GPBP1: variants seen among roughly 807,000 people sequenced by gnomAD.
GPBP1 encodes vasculin.
Under a neutral mutation model 56.5 loss-of-function variants are expected in GPBP1, and 13 were observed. The observed-to-expected ratio is 0.23, with a 90% CI of 0.15 to 0.37. The LOEUF (loss-of-function observed/expected upper bound fraction) is 0.37. Ranked by LOEUF, GPBP1 falls within the 10% of genes least tolerant of loss-of-function variation. The pLI, the probability that GPBP1 is intolerant of heterozygous loss-of-function variation, is 1.00. For synonymous variants in GPBP1, 204 were observed against 188.9 expected (o/e 1.08, Z -0.66); for missense variants, 477 against 572.3 (o/e 0.83, Z 1.70).
At chr5:57,234,150 T>C (rs1479023177) in intron 5 of GPBP1, among the ~76,000 whole-genome samples, 2 of 152,196 alleles carry the variant, frequency 1.3e-5, no homozygotes, top group Non-Finnish European at 2.9e-5. Flanking sequence ...CTCAGTACAA[T>C]GTTAGTAATC....
intron 9 of GPBP1, 66 bp downstream of exon 9, chr5:57,249,642 T>TCCA: frequency 7.7e-7 from 1 of 1,300,868 alleles, no homozygotes; most frequent in Non-Finnish European, 1.1e-6. Flanking sequence ...GAGCATGTAT[T>TCCA]AGGACCTTGG....
intron 2 of GPBP1, among the ~76,000 whole-genome samples, chr5:57,187,199 GAAGTAAGACCTGTTGCAA>G (rs1383461864): frequency 6.6e-6 from 1 of 152,068 alleles, no homozygotes; most frequent in Non-Finnish European, 1.5e-5. Context: ...GTGGGTGTGT[GAAGTAAGACCTGTTGCAA>G]AATAACGTCA....
intron 2 of GPBP1, among the ~76,000 whole-genome samples, chr5:57,197,639 G>A (rs1484677479): frequency 6.6e-6 from 1 of 152,116 alleles, no homozygotes; most frequent in Non-Finnish European, 1.5e-5. Flanking sequence ...GATTACAGGC[G>A]GGAGCCATTG....
intron 10 of GPBP1, among the ~76,000 whole-genome samples, chr5:57,260,292 G>A (rs1741837336): frequency 6.6e-6 from 1 of 152,050 alleles, no homozygotes; most frequent in Non-Finnish European, 1.5e-5. Flanking sequence ...GCTTCTGTGA[G>A]GGCTTCATCT....
intron 10 of GPBP1, among the ~76,000 whole-genome samples, chr5:57,255,524 A>T (rs1232756249): frequency 6.6e-6 from 1 of 152,268 alleles, no homozygotes; most frequent in Non-Finnish European, 1.5e-5. Flanking sequence ...AGAATAAAAC[A>T]CAAACATATC....
At chr5:57,216,646 A>G (rs1396905072) in intron 3 of GPBP1, among the ~76,000 whole-genome samples, 3 of 152,164 alleles carry the variant, frequency 2.0e-5, no homozygotes, top group African/African-American at 7.2e-5. Flanking sequence ...AGATCGTGCC[A>G]CTGCAGTCCA....
intron 3 of GPBP1, among the ~76,000 whole-genome samples, chr5:57,215,816 C>G (rs562361079): frequency 2.1e-5 from 3 of 146,268 alleles, no homozygotes; most frequent in East Asian, 2.0e-4. Flanking sequence ...CCTGAATCTT[C>G]TAAGTTTTTC....
At chr5:57,217,939 T>A (rs774897932) in intron 3 of GPBP1, among the ~76,000 whole-genome samples, 66 of 152,150 alleles carry the variant, frequency 4.3e-4, no homozygotes, top group Non-Finnish European at 7.9e-4. Context: ...CTAGTTAATT[T>A]CTTTTCACTT....
chr5:57,214,419 C>G (rs1269233934), intron 3 of GPBP1, among the ~76,000 whole-genome samples: 1 of 151,950 alleles, frequency 6.6e-6, no homozygotes, highest in African/African-American at 2.4e-5. Flanking sequence ...AACCCTGTCT[C>G]TACTACAGAT....
intron 8 of GPBP1, among the ~76,000 whole-genome samples, chr5:57,247,713 G>T (rs1247436661): frequency 6.6e-6 from 1 of 151,902 alleles, no homozygotes; most frequent in Non-Finnish European, 1.5e-5. Flanking sequence ...GGGATGGGGG[G>T]GAATTCCAAA....
At chr5:57,246,705 AT>A (rs1282472231) in intron 7 of GPBP1, among the ~76,000 whole-genome samples, 2,024 of 146,734 alleles carry the variant, frequency 0.014, 41 homozygotes, top group African/African-American at 0.045. Flanking sequence ...AAACTTAAAA[AT>A]TTTTTTTTTT....
rs1219290891 is a variant in GPBP1, at chr5:57,231,286, A to G, written c.376A>G (p.Lys126Glu). The G allele has an allele frequency of 1.2e-6, 2 of 1,613,886 alleles. No homozygotes were observed. The highest frequency in any genetic ancestry group is 2.2e-5 in the East Asian group (1 of 44,878). Residue 126 changes from lysine (K) to glutamate (E), a missense_variant, in exon 5 of 12, where the codon AAG becomes GAG. Coordinates refer to ENST00000506184, the MANE Select transcript of GPBP1 (RefSeq NM_022913.4). ...CAATGAAACCGGGAGGAAAGAAGACAAGAGAGAACGCAAACAGTTTGAAGC... is the reference window on the plus strand; with the variant it reads ...CAATGAAACCGGGAGGAAAGAAGACGAGAGAGAACGCAAACAGTTTGAAGC... ...PDNETGRKED[K>E]RERKQFEAED...
intron 6 of GPBP1, among the ~76,000 whole-genome samples, chr5:57,245,204 G>C (rs1447264584): frequency 6.6e-6 from 1 of 152,130 alleles, no homozygotes; most frequent in Non-Finnish European, 1.5e-5. Flanking sequence ...CTTTACCCTA[G>C]TAAGTCAACA....
At position 57,230,769 on chromosome 5, in the gene GPBP1, G is replaced by A. The variant is rs554098710; in HGVS notation, c.64-77G>A. ...AATCATTTAAAATTTTTGGAAATAA[G>A]TGAAGTTGGAGTATTACTAGTTTTT... is the stretch of plus-strand genomic sequence containing the variant. On this transcript the variant is annotated intron_variant, in intron 3 of 11. Coordinates refer to ENST00000506184, the MANE Select transcript of GPBP1 (RefSeq NM_022913.4). 103 of 1,282,016 alleles carry A rather than the reference G, an allele frequency of 8.0e-5. 1 individual carries two copies. In the South Asian group the frequency reaches 1.1e-3, roughly 14 times the overall value. The allele number at this position is 1,282,016 out of a possible 1,614,324, so 79.4% of individuals were successfully genotyped here. A position where few individuals can be genotyped will look rare whatever the true frequency, so the allele number is the denominator to read the frequency against.
chr5:57,195,299 G>A (rs1164416862), intron 2 of GPBP1, among the ~76,000 whole-genome samples: 1 of 152,076 alleles, frequency 6.6e-6, no homozygotes. Context: ...GGGACTAGAG[G>A]CACATGACAT....
chr5:57,212,756 A>G (rs1303882089), intron 2 of GPBP1, among the ~76,000 whole-genome samples: 5 of 143,434 alleles, frequency 3.5e-5, no homozygotes, highest in African/African-American at 7.8e-5. Context: ...TGCAATCTCC[A>G]TCTCCTGGGT....
At chr5:57,192,559 G>T (rs1028089330) in intron 2 of GPBP1, among the ~76,000 whole-genome samples, 1 of 151,900 alleles carries the variant, frequency 6.6e-6, no homozygotes, top group Non-Finnish European at 1.5e-5. Flanking sequence ...TTCGAGACCA[G>T]CCTGACCAAC....
At chr5:57,244,091 C>G (rs989247015) in intron 6 of GPBP1, among the ~76,000 whole-genome samples, 4 of 152,316 alleles carry the variant, frequency 2.6e-5, no homozygotes, top group Middle Eastern at 6.8e-3. Flanking sequence ...AAAGTACATT[C>G]TTTAGAATTA....
At chr5:57,218,934 A>G (rs1755812210) in intron 3 of GPBP1, among the ~76,000 whole-genome samples, 2 of 152,222 alleles carry the variant, frequency 1.3e-5, no homozygotes, top group South Asian at 4.1e-4. Context: ...AACCTTATAC[A>G]GATTTTGGAA....
Sources: gnomAD v4.1 joint callset for allele counts (sites outside exome capture counted in the v4.1 genomes callset) on GRCh38, gnomAD v4.1.1 for gene constraint, MANE v1.5 for transcripts, NCBI Gene and HGNC (gene_info 2026-07-23, HGNC 2026-07-21) for gene names.